Variants in GPC3 observed in about 807,000 individuals in gnomAD.
GPC3 encodes the protein glypican 3.
GPC3 carries 3 observed loss-of-function variants against 34.4 expected under a neutral mutation model. The observed-to-expected ratio is 0.09, with a 90% CI of 0.04 to 0.23. GPC3 has a LOEUF of 0.23. Among genes scored for constraint, GPC3 ranks in the 10% least tolerant of loss-of-function variants. The probability of loss-of-function intolerance (pLI) is 1.00; values close to 1 mark genes in which losing one functional copy is unlikely to be tolerated. For missense variants in GPC3, 351 were observed against 445.6 expected (o/e 0.79, Z 1.91); for synonymous variants, 177 against 174.0 (o/e 1.02, Z -0.13).
chrX:133,708,345 C>T (rs1193307295), intron 3 of GPC3, among the ~76,000 whole-genome samples: 1 of 111,689 alleles, frequency 9.0e-6, no homozygotes, highest in African/African-American at 3.3e-5. Flanking sequence ...TTTTGATGCA[C>T]CTGATTTTAT....
chrX:133,824,675 A>C (rs936572375), intron 2 of GPC3, among the ~76,000 whole-genome samples: 9 of 111,381 alleles, frequency 8.1e-5, no homozygotes, highest in African/African-American at 2.9e-4. Flanking sequence ...CATAACATAT[A>C]TCTCTAGCGA....
chrX:133,715,372 T>G (rs1167373663), intron 3 of GPC3, among the ~76,000 whole-genome samples: 2 of 111,903 alleles, frequency 1.8e-5, no homozygotes, highest in African/African-American at 6.5e-5. Context: ...TCCTTGCTCC[T>G]CAGCTTGCAG....
At chrX:133,710,438 G>A (rs931859362) in intron 3 of GPC3, among the ~76,000 whole-genome samples, 16 of 112,261 alleles carry the variant, frequency 1.4e-4, no homozygotes, top group African/African-American at 5.2e-4. Context: ...GGTTGAAAGT[G>A]TAATGTCTCC....
chrX:133,938,308 C>T (rs2076331187), intron 2 of GPC3, among the ~76,000 whole-genome samples: 1 of 111,394 alleles, frequency 9.0e-6, no homozygotes, highest in Non-Finnish European at 1.9e-5. Flanking sequence ...TGGTAGACTC[C>T]CCCAGGTAAC....
intron 2 of GPC3, among the ~76,000 whole-genome samples, chrX:133,867,535 G>A (rs2075973682): frequency 1.8e-5 from 2 of 109,320 alleles, no homozygotes; most frequent in African/African-American, 6.7e-5. Context: ...GCAGCTGCTG[G>A]AGGGCAGGCT....
intron 3 of GPC3, among the ~76,000 whole-genome samples, chrX:133,735,948 G>T (rs1359992437): frequency 1.2e-5 from 1 of 80,556 alleles, no homozygotes; most frequent in Non-Finnish European, 2.2e-5. Context: ...GCATGACATA[G>T]TGAGACCCTG....
chrX:133,589,549 T>C (rs2069826207), intron 7 of GPC3, among the ~76,000 whole-genome samples: 1 of 110,214 alleles, frequency 9.1e-6, no homozygotes, highest in African/African-American at 3.3e-5. Context: ...GCTAATTTTG[T>C]ATTTTTAGTA....
chrX:133,764,536 G>C, intron 2 of GPC3, among the ~76,000 whole-genome samples: 1 of 111,926 alleles, frequency 8.9e-6, no homozygotes. Flanking sequence ...TTAGGGAGTT[G>C]CTAATAAGGC....
intron 2 of GPC3, among the ~76,000 whole-genome samples, chrX:133,881,278 CACTGGA>C (rs2076040412): frequency 9.0e-6 from 1 of 111,594 alleles, no homozygotes; most frequent in Admixed American, 9.6e-5. Flanking sequence ...AGACATGGTC[CACTGGA>C]AGACCGATTT....
In GPC3 at chrX:133,692,363, G is replaced by A. The variant is rs1207247416; in HGVS notation, c.1292+6C>T. ...ATTGCTATATGTAACTTTCAAAAAA[G>A]ATCACCTCTCCACGAGTTCTTGTCC... On this transcript the variant is annotated splice_donor_region_variant and intron_variant, in intron 5 of 7. Coordinates refer to ENST00000370818, the MANE Select transcript of GPC3 (RefSeq NM_004484.4). The A allele has an allele frequency of 8.3e-7, 1 of 1,210,035 alleles. No individual in the cohort carries two copies. Among genetic ancestry groups the A allele is most frequent in the Admixed American group, 2.2e-5 (1 of 46,081 alleles).
chrX:133,952,554 T>C (rs751800034), intron 2 of GPC3, among the ~76,000 whole-genome samples: 6 of 112,030 alleles, frequency 5.4e-5, no homozygotes, highest in African/African-American at 9.8e-5. Flanking sequence ...TTCACAGGCA[T>C]GGTAAGAAGT....
intron 2 of GPC3, among the ~76,000 whole-genome samples, chrX:133,839,232 G>GTT (rs2075812901): frequency 8.9e-6 from 1 of 111,818 alleles, no homozygotes; most frequent in South Asian, 3.8e-4. Context: ...ACCTCTTAGT[G>GTT]TTTTTCATCT....
intron 7 of GPC3, among the ~76,000 whole-genome samples, chrX:133,555,722 G>A (rs758720956): frequency 4.5e-5 from 5 of 110,267 alleles, no homozygotes; most frequent in Non-Finnish European, 7.6e-5. Context: ...TAGCTACTTG[G>A]GAGGCTGAGG....
At chrX:133,647,752 C>T (rs1195831750) in intron 6 of GPC3, among the ~76,000 whole-genome samples, 1 of 111,766 alleles carries the variant, frequency 8.9e-6, no homozygotes, top group East Asian at 2.8e-4. Flanking sequence ...TATAATCTCT[C>T]TCGATCTTTC....
At chrX:133,961,642 A>G (rs182096538) in intron 1 of GPC3, among the ~76,000 whole-genome samples, 161 of 112,169 alleles carry the variant, frequency 1.4e-3, no homozygotes, top group Non-Finnish European at 2.4e-3. Context: ...CCCAAGGAAT[A>G]TAATAATGAA....
intron 6 of GPC3, among the ~76,000 whole-genome samples, chrX:133,608,114 G>A (rs190313829): frequency 1.6e-3 from 179 of 112,535 alleles, no homozygotes; most frequent in Non-Finnish European, 3.0e-3. Flanking sequence ...CCTGAGATTG[G>A]CCTAGGCCCA....
intron 1 of GPC3, among the ~76,000 whole-genome samples, chrX:133,960,018 G>A (rs1477823512): frequency 5.4e-5 from 6 of 111,368 alleles, no homozygotes; most frequent in Non-Finnish European, 1.1e-4. Flanking sequence ...ACATTTGCTG[G>A]ATAAGGGAAT....
intron 6 of GPC3, among the ~76,000 whole-genome samples, chrX:133,604,137 G>C (rs1278021209): frequency 9.0e-6 from 1 of 111,201 alleles, no homozygotes; most frequent in African/African-American, 3.3e-5. Flanking sequence ...CACGTTAAGG[G>C]AAGACATTGA....
intron 5 of GPC3, among the ~76,000 whole-genome samples, chrX:133,681,250 T>A (rs1326630679): frequency 3.6e-5 from 4 of 111,681 alleles, no homozygotes; most frequent in African/African-American, 1.3e-4. Flanking sequence ...ATTTTACGTG[T>A]GGGGAAGCTG....
Sources: gnomAD v4.1 joint callset for allele counts (sites outside exome capture counted in the v4.1 genomes callset) on GRCh38, gnomAD v4.1.1 for gene constraint, MANE v1.5 for transcripts, NCBI Gene and HGNC (gene_info 2026-07-23, HGNC 2026-07-21) for gene names.